TMEM108: variants seen among roughly 807,000 people sequenced by gnomAD.
The protein encoded by TMEM108 is transmembrane protein 108.
In TMEM108, 12 loss-of-function variants were observed where a neutral mutation model predicts 35.1. The ratio of observed to expected loss-of-function variants is 0.34; its 90% CI spans 0.22 to 0.55. The LOEUF is 0.55. Among genes scored for constraint, TMEM108 ranks in the 20% least tolerant of loss-of-function variants. The pLI, the probability that TMEM108 is intolerant of heterozygous loss-of-function variation, is 0.89. For missense variants in TMEM108, 680 were observed against 753.3 expected (o/e 0.90, Z 1.14); for synonymous variants, 287 against 308.6 (o/e 0.93, Z 0.73).
intron 3 of TMEM108, among the ~76,000 whole-genome samples, chr3:133,241,343 CT>C (rs1946309874): frequency 6.6e-6 from 1 of 152,226 alleles, no homozygotes; most frequent in African/African-American, 2.4e-5. Flanking sequence ...TTTCCGTTCC[CT>C]TCCTTTGGGT....
intron 2 of TMEM108, among the ~76,000 whole-genome samples, chr3:133,143,781 C>T (rs1195833501): frequency 6.6e-6 from 1 of 152,218 alleles, no homozygotes; most frequent in African/African-American, 2.4e-5. Flanking sequence ...CCATGCTCAG[C>T]CTTGACCACG....
At chr3:133,312,953 A>G (rs1167775363) in intron 3 of TMEM108, among the ~76,000 whole-genome samples, 3 of 152,172 alleles carry the variant, frequency 2.0e-5, no homozygotes, top group East Asian at 1.9e-4. Flanking sequence ...TATCTTTACT[A>G]TATCTAAAAT....
chr3:133,308,523 G>C (rs919621860), intron 3 of TMEM108, among the ~76,000 whole-genome samples: 2 of 152,102 alleles, frequency 1.3e-5, no homozygotes, highest in Non-Finnish European at 2.9e-5. Flanking sequence ...TTACTGTTTT[G>C]AGATATGTTC....
intron 3 of TMEM108, among the ~76,000 whole-genome samples, chr3:133,342,832 G>T (rs1365086068): frequency 6.6e-6 from 1 of 150,972 alleles, no homozygotes; most frequent in Non-Finnish European, 1.5e-5. Flanking sequence ...GGAGAAATAA[G>T]ATCTAGTGTT....
chr3:133,261,060 G>A (rs73217553), intron 3 of TMEM108, among the ~76,000 whole-genome samples: 6,762 of 152,090 alleles, frequency 0.044, 190 homozygotes, highest in Non-Finnish European at 0.064. Flanking sequence ...GGCAACAACA[G>A]CATCATATGT....
intron 3 of TMEM108, among the ~76,000 whole-genome samples, chr3:133,250,796 A>G (rs987845072): frequency 1.3e-4 from 20 of 152,218 alleles, no homozygotes; most frequent in African/African-American, 4.8e-4. Flanking sequence ...AATAATTTAC[A>G]ACATAACTAT....
chr3:133,064,831 A>G (rs949289766), intron 2 of TMEM108, among the ~76,000 whole-genome samples: 1 of 152,170 alleles, frequency 6.6e-6, no homozygotes, highest in African/African-American at 2.4e-5. Context: ...CTTTACAAAT[A>G]AATCTATCCT....
At chr3:133,342,413 A>T (rs570182232) in intron 3 of TMEM108, among the ~76,000 whole-genome samples, 5 of 150,578 alleles carry the variant, frequency 3.3e-5, no homozygotes, top group Non-Finnish European at 7.4e-5. Context: ...CAGGATGGAT[A>T]CCTCATTTAC....
intron 3 of TMEM108, among the ~76,000 whole-genome samples, chr3:133,230,832 C>T (rs1253236004): frequency 6.6e-6 from 1 of 152,194 alleles, no homozygotes; most frequent in Non-Finnish European, 1.5e-5. Context: ...CAAGACTTAT[C>T]CTATGACGAG....
chr3:133,111,301 C>T (rs1485455748), intron 2 of TMEM108, among the ~76,000 whole-genome samples: 1 of 152,028 alleles, frequency 6.6e-6, no homozygotes, highest in African/African-American at 2.4e-5. Flanking sequence ...AAATTATTTG[C>T]CCAGGAAGTA....
intron 2 of TMEM108, among the ~76,000 whole-genome samples, chr3:133,167,627 T>C (rs923264748): frequency 1.3e-5 from 2 of 152,224 alleles, no homozygotes; most frequent in Non-Finnish European, 2.9e-5. Flanking sequence ...CTGCAGCTGC[T>C]GGCCCAGGTG....
intron 3 of TMEM108, among the ~76,000 whole-genome samples, chr3:133,379,374 C>A (rs1331440764): frequency 1.3e-5 from 2 of 152,248 alleles, no homozygotes; most frequent in Non-Finnish European, 2.9e-5. Context: ...CCACTCCTGG[C>A]TGCAGAGGAA....
At chr3:133,196,352 A>G (rs147493412) in intron 2 of TMEM108, among the ~76,000 whole-genome samples, 1 of 152,322 alleles carries the variant, frequency 6.6e-6, no homozygotes, top group Non-Finnish European at 1.5e-5. Context: ...CTTGGAGCCT[A>G]CCAGTGGTAT....
At chr3:133,339,258 AG>A (rs201745691) in intron 3 of TMEM108, among the ~76,000 whole-genome samples, 1,886 of 152,098 alleles carry the variant, frequency 0.012, 16 homozygotes, top group South Asian at 0.024. Context: ...CTGAAAATAA[AG>A]GGATGGAAAA....
intron 2 of TMEM108, among the ~76,000 whole-genome samples, chr3:133,177,435 A>G (rs1945251897): frequency 6.6e-6 from 1 of 152,320 alleles, no homozygotes; most frequent in East Asian, 1.9e-4. Flanking sequence ...CTGGCAAACC[A>G]AATCCAGCAG....
chr3:133,355,240 A>G (rs146322265), intron 3 of TMEM108, among the ~76,000 whole-genome samples: 5 of 152,234 alleles, frequency 3.3e-5, no homozygotes, highest in Admixed American at 6.5e-5. Flanking sequence ...TTTACCTCCT[A>G]AAGTTCAAAA....
chr3:133,216,125 A>T (rs1008928762), intron 2 of TMEM108, among the ~76,000 whole-genome samples: 30 of 151,880 alleles, frequency 2.0e-4, no homozygotes, highest in African/African-American at 6.3e-4. Flanking sequence ...TGTACTTGTC[A>T]TTTCAAGTCA....
chr3:133,205,628 C>T (rs1945741644), intron 2 of TMEM108, among the ~76,000 whole-genome samples: 1 of 152,126 alleles, frequency 6.6e-6, no homozygotes, highest in East Asian at 1.9e-4. Flanking sequence ...ATATTGATCC[C>T]CACTCTCTTC....
At chr3:133,387,322 C>T in intron 4 of TMEM108, 1 of 985,420 alleles carries the variant, frequency 1.0e-6, no homozygotes, top group Middle Eastern at 5.2e-4. Flanking sequence ...CAATTTGAAC[C>T]TAGGTCTTTC....
Sources: allele counts gnomAD v4.1 joint callset (sites outside exome capture counted in the v4.1 genomes callset), GRCh38; gene constraint gnomAD v4.1.1; transcripts MANE v1.5; gene names NCBI Gene and HGNC (gene_info 2026-07-23, HGNC 2026-07-21).